HECW1: variants seen among roughly 807,000 people sequenced by gnomAD.
HECW1 encodes the protein E3 ubiquitin-protein ligase HECW1.
HECW1 carries 61 observed loss-of-function variants against 182.3 expected under a neutral mutation model. The ratio of observed to expected loss-of-function variants is 0.33; its 90% CI spans 0.27 to 0.41. The LOEUF is 0.41. Ranked by LOEUF, HECW1 falls within the 10% of genes least tolerant of loss-of-function variation. The pLI is 1.00. For synonymous variants in HECW1, 859 were observed against 832.6 expected (o/e 1.03, Z -0.55); for missense variants, 1,739 against 2,108.9 (o/e 0.82, Z 3.44).
chr7:43,226,178 TATC>T (rs767270150), intron 2 of HECW1, among the ~76,000 whole-genome samples: 3 of 152,234 alleles, frequency 2.0e-5, no homozygotes, highest in Non-Finnish European at 4.4e-5. Context: ...CAAATAATAA[TATC>T]ATGCTTTATA....
At chr7:43,453,095 G>A (rs2077287889) in intron 12 of HECW1, among the ~76,000 whole-genome samples, 1 of 152,186 alleles carries the variant, frequency 6.6e-6, no homozygotes, top group Admixed American at 6.5e-5. Flanking sequence ...GGAGGACATT[G>A]TAGAGTTTTC....
At chr7:43,157,851 G>A (rs1032781760) in intron 2 of HECW1, among the ~76,000 whole-genome samples, 2 of 152,116 alleles carry the variant, frequency 1.3e-5, no homozygotes, top group African/African-American at 2.4e-5. Context: ...ATGAGCCACC[G>A]TGCCCAGCCA....
Position 43,550,570 on chromosome 7 carries a change from G to T in HECW1, c.4374G>T (p.Ala1458=). The T allele has an allele frequency of 6.8e-6, 11 of 1,606,792 alleles. No individual in the cohort carries two copies. The highest frequency in any genetic ancestry group is 9.3e-6 in the Non-Finnish European group (11 of 1,176,774). ...GCGGCGTGGTACAGCAGACCGAGGC[G>T]CTGGTGCGCGGCTTCTACGAGGTGA... The part of the protein sequence containing the change: ...VERGVVQQTE[A]LVRGFYEVVD... The change falls in exon 27 of 30, where the codon GCG becomes GCT. Residue 1458 remains alanine (A), a synonymous_variant. Coordinates refer to ENST00000395891, the MANE Select transcript of HECW1 (RefSeq NM_015052.5).
intron 20 of HECW1, 95 bp downstream of exon 20, chr7:43,500,877 C>T (rs2079322105): frequency 1.9e-6 from 2 of 1,026,664 alleles, no homozygotes; most frequent in Non-Finnish European, 3.1e-6. Flanking sequence ...CTGAAAAACT[C>T]ACCGCTTGTT....
intron 2 of HECW1, among the ~76,000 whole-genome samples, chr7:43,159,035 G>A (rs1790204275): frequency 6.6e-6 from 1 of 152,184 alleles, no homozygotes; most frequent in Non-Finnish European, 1.5e-5. Flanking sequence ...TGGTGCTGGA[G>A]CTGCTGGTCT....
Position 43,254,915 on chromosome 7 carries a change from G to A in HECW1, c.27+10983G>A, listed in dbSNP as rs148713148. Among the ~76,000 whole-genome samples the A allele has an allele frequency of 1.5e-3, 231 of 152,246 alleles. 4 individuals carry two copies. Among genetic ancestry groups the A allele is most frequent in the African/African-American group, 5.3e-3 (222 of 41,544 alleles). The stretch of plus-strand genomic sequence containing the variant: ...GGATGTTGAATCACCCCCACTAGGG[G>A]CTGCCATCTTGGTTTGCTCCCCTCA... On this transcript the variant is annotated intron_variant, in intron 3 of 29. Coordinates refer to ENST00000395891, the MANE Select transcript of HECW1 (RefSeq NM_015052.5).
At chr7:43,417,120 G>A (rs1041220970) in intron 8 of HECW1, among the ~76,000 whole-genome samples, 61 of 152,206 alleles carry the variant, frequency 4.0e-4, no homozygotes, top group African/African-American at 1.3e-3. Context: ...GCGCAATCTC[G>A]GCTCACTGCA....
intron 11 of HECW1, 141 bp downstream of exon 11, chr7:43,445,711 T>A: frequency 3.0e-6 from 3 of 991,108 alleles, no homozygotes; most frequent in Non-Finnish European, 4.4e-6. Context: ...TGTATATACA[T>A]GTGTGCATGT....
At chr7:43,464,936 G>A (rs1448106047) in intron 14 of HECW1, among the ~76,000 whole-genome samples, 2 of 151,932 alleles carry the variant, frequency 1.3e-5, no homozygotes, top group South Asian at 2.1e-4. Context: ...TGAGTAGCTG[G>A]GACCTCAGGC....
At chr7:43,171,767 C>T (rs1791716784) in intron 2 of HECW1, among the ~76,000 whole-genome samples, 1 of 152,092 alleles carries the variant, frequency 6.6e-6, no homozygotes, top group South Asian at 2.1e-4. Flanking sequence ...TCCCTTCTCC[C>T]TGTTGTTGGC....
Position 43,563,604 on chromosome 7 carries a change from C to T in HECW1, c.*1678C>T. On this transcript the variant is annotated 3_prime_UTR_variant, in exon 30 of 30. Transcript: ENST00000395891. ...AGCATTCCGGCCAGGAGCGGTGGCT[C>T]ATGCCTGTAATCCCAGCACTTTGGG... 5.4e-6 allele frequency: 1 copy of T among 185,026 alleles called. No individual in the cohort carries two copies. Among genetic ancestry groups the T allele is most frequent in the Non-Finnish European group, 1.1e-5 (1 of 87,394 alleles). The allele number at this position is 185,026 out of a possible 1,614,324, so 11.5% of individuals were successfully genotyped here. A position where few individuals can be genotyped will look rare whatever the true frequency, so the allele number is the denominator to read the frequency against.
chr7:43,391,083 A>C (rs554480867), intron 6 of HECW1, among the ~76,000 whole-genome samples: 2 of 152,344 alleles, frequency 1.3e-5, no homozygotes, highest in African/African-American at 4.8e-5. Flanking sequence ...AAGGGTAATC[A>C]TCCTAGCACC....
chr7:43,416,062 T>C (rs1369995317), intron 8 of HECW1, among the ~76,000 whole-genome samples: 8 of 151,914 alleles, frequency 5.3e-5, no homozygotes, highest in Admixed American at 2.6e-4. Flanking sequence ...CTTTGTTCCG[T>C]TGCTGGTGAA....
rs78901211 is a variant in HECW1 at position 43,208,037 on chromosome 7, C to T, written c.-31-35838C>T. ...TTCCATTTTTCTTTATATCTGGAAA[C>T]TTCACCATCATCCCTTCAAACATCG... On this transcript the variant is annotated intron_variant, in intron 2 of 29. Coordinates refer to ENST00000395891, the MANE Select transcript of HECW1 (RefSeq NM_015052.5). Among the ~76,000 whole-genome samples the T allele has an allele frequency of 9.9e-3, 1,506 of 152,268 alleles. 29 individuals carry two copies. Among genetic ancestry groups the T allele is most frequent in the African/African-American group, 0.035 (1,435 of 41,534 alleles).
chr7:43,446,822 C>T (rs1335214966), intron 11 of HECW1, among the ~76,000 whole-genome samples: 2 of 152,104 alleles, frequency 1.3e-5, no homozygotes, highest in East Asian at 1.9e-4. Flanking sequence ...CCACAAGGAG[C>T]GGGATGGAAA....
At chr7:43,185,815 T>G (rs1793342572) in intron 2 of HECW1, among the ~76,000 whole-genome samples, 2 of 152,200 alleles carry the variant, frequency 1.3e-5, no homozygotes, top group African/African-American at 2.4e-5. Flanking sequence ...TGTTACATTT[T>G]CCTTTAATAT....
chr7:43,523,331 C>A (rs995561351), intron 24 of HECW1, among the ~76,000 whole-genome samples: 1 of 152,180 alleles, frequency 6.6e-6, no homozygotes, highest in Non-Finnish European at 1.5e-5. Context: ...ACACCAGCAT[C>A]AAACAGCCCT....
At chr7:43,123,229 T>G (rs1785823996) in intron 2 of HECW1, among the ~76,000 whole-genome samples, 1 of 152,216 alleles carries the variant, frequency 6.6e-6, no homozygotes, top group South Asian at 2.1e-4. Context: ...CAGAGTGAGC[T>G]CCTCAATTTT....
intron 3 of HECW1, among the ~76,000 whole-genome samples, chr7:43,271,335 A>G (rs965582906): frequency 6.6e-6 from 1 of 152,204 alleles, no homozygotes; most frequent in African/African-American, 2.4e-5. Context: ...CCTATTCAAC[A>G]TAGTACTGGA....
Sources: gnomAD v4.1 joint callset for allele counts (sites outside exome capture counted in the v4.1 genomes callset) on GRCh38, gnomAD v4.1.1 for gene constraint, MANE v1.5 for transcripts, NCBI Gene and HGNC (gene_info 2026-07-23, HGNC 2026-07-21) for gene names.